POLR3B: variants seen among roughly 807,000 people sequenced by gnomAD.
POLR3B encodes the protein RNA polymerase III subunit B, also known as DNA-directed RNA polymerase III subunit RPC2.
Under a neutral mutation model 147.4 loss-of-function variants are expected in POLR3B, and 96 were observed. That is an observed-to-expected ratio of 0.65 (90% CI 0.55 to 0.77). POLR3B has a LOEUF of 0.77. Among genes scored for constraint, POLR3B ranks in the 30% least tolerant of loss-of-function variants. The probability of loss-of-function intolerance (pLI) is 0.00; values close to 1 mark genes in which losing one functional copy is unlikely to be tolerated. For missense variants in POLR3B, 1,036 were observed against 1,413.5 expected (o/e 0.73, Z 4.28); for synonymous variants, 461 against 485.9 (o/e 0.95, Z 0.67).
At chr12:106,442,463 AT>A (rs1210512298) in intron 18 of POLR3B, among the ~76,000 whole-genome samples, 2 of 152,150 alleles carry the variant, frequency 1.3e-5, no homozygotes, top group Non-Finnish European at 2.9e-5. Flanking sequence ...AACCTAGAGT[AT>A]TTTCCCTTCC....
At chr12:106,363,763 T>C (rs996402144) in intron 1 of POLR3B, 107 bp from the exon 2 acceptor site, 63 of 931,470 alleles carry the variant, frequency 6.8e-5, no homozygotes, top group Non-Finnish European at 1.1e-4. Context: ...AAATTATTCT[T>C]TTTGTTTTGA....
rs755150098 is a variant in POLR3B, at chr12:106,363,838, A to G, written c.73-32A>G. 20 of 1,562,944 alleles carry G rather than the reference A, an allele frequency of 1.3e-5. No homozygotes were observed. The East Asian group carries it at 2.0e-4, about 16-fold the overall frequency. ...TATGAAAGTACTGTTGCTGGTACAG[A>G]GTTCTGATATTCTTCTTGTTTTGGC... On this transcript the variant is annotated intron_variant, in intron 1 of 27. Coordinates refer to ENST00000228347, the MANE Select transcript of POLR3B (RefSeq NM_018082.6).
chr12:106,374,959 T>C (rs936633869), intron 6 of POLR3B, among the ~76,000 whole-genome samples: 1 of 152,238 alleles, frequency 6.6e-6, no homozygotes, highest in Non-Finnish European at 1.5e-5. Flanking sequence ...TAGTGTTTAT[T>C]TTCCGTCTTC....
chr12:106,397,567 G>T (rs1213303905), intron 10 of POLR3B, among the ~76,000 whole-genome samples: 2 of 152,168 alleles, frequency 1.3e-5, no homozygotes, highest in South Asian at 2.1e-4. Context: ...ACAGCATTGT[G>T]TATGGAATTA....
intron 1 of POLR3B, among the ~76,000 whole-genome samples, chr12:106,362,848 G>A (rs1383099452): frequency 6.6e-6 from 1 of 151,750 alleles, no homozygotes; most frequent in African/African-American, 2.4e-5. Flanking sequence ...AAAATGTATG[G>A]ATACTAGATA....
intron 26 of POLR3B, among the ~76,000 whole-genome samples, chr12:106,503,551 A>T (rs1416706792): frequency 6.6e-6 from 1 of 152,188 alleles, no homozygotes; most frequent in East Asian, 1.9e-4. Flanking sequence ...AACCTCTTAA[A>T]GTATTCTCAA....
At chr12:106,420,934 T>A (rs964664454) in intron 12 of POLR3B, among the ~76,000 whole-genome samples, 2 of 152,216 alleles carry the variant, frequency 1.3e-5, no homozygotes, top group African/African-American at 4.8e-5. Context: ...TTGCATTTTT[T>A]AATTTCTTGA....
chr12:106,507,930 C>G, intron 27 of POLR3B: 1 of 385,016 alleles, frequency 2.6e-6, no homozygotes, highest in Non-Finnish European at 5.1e-6. Flanking sequence ...CCAGAGATGA[C>G]CACTATTAAC....
rs1221511932 is a variant in POLR3B, at chr12:106,433,861, A to G, written c.1770A>G (p.Gly590=). 1.2e-6 allele frequency: 2 copies of G among 1,613,108 alleles called. No homozygotes were observed. The highest frequency in any genetic ancestry group is 2.7e-5 in the African/African-American group (2 of 74,896). ...DRCVYISSDG[G]RLCRPYIIVK... ...GTGTCTATATTTCTTCTGATGGGGG[A>G]AGGCTATGCAGGTATATATGCAGGT... The change falls in exon 16 of 28, where the codon GGA becomes GGG. Residue 590 remains glycine (G), a synonymous_variant. Coordinates refer to ENST00000228347, the MANE Select transcript of POLR3B (RefSeq NM_018082.6).
In POLR3B at chr12:106,452,363, A is replaced by G. The variant is rs142610910; in HGVS notation, c.2084-2139A>G. Among the ~76,000 whole-genome samples the G allele has an allele frequency of 1.1e-3, 169 of 152,306 alleles. 2 individuals are homozygous for G. The highest frequency in any genetic ancestry group is 3.9e-3 in the African/African-American group (164 of 41,566). ...CATTTGCTAAACTATTTTGCTGTTC[A>G]TCCATTCAGTGGTCAGTTGTAATGC... On this transcript the variant is annotated intron_variant, in intron 19 of 27. Coordinates refer to ENST00000228347, the MANE Select transcript of POLR3B (RefSeq NM_018082.6).
intron 6 of POLR3B, among the ~76,000 whole-genome samples, chr12:106,375,021 T>C (rs1266827342): frequency 6.6e-6 from 1 of 152,218 alleles, no homozygotes; most frequent in Admixed American, 6.5e-5. Context: ...TATTAGTACA[T>C]TAGTAACTTC....
chr12:106,493,337 A>G (rs760927996), intron 23 of POLR3B, among the ~76,000 whole-genome samples: 6 of 152,238 alleles, frequency 3.9e-5, no homozygotes, highest in Non-Finnish European at 8.8e-5. Context: ...TCATTTGAAA[A>G]TAAGAAAAGA....
At chr12:106,508,264 A>G (rs1030343188) in intron 27 of POLR3B, among the ~76,000 whole-genome samples, 1 of 152,202 alleles carries the variant, frequency 6.6e-6, no homozygotes, top group East Asian at 1.9e-4. Flanking sequence ...TCTTGTGCAC[A>G]TACCTTTGCC....
intron 23 of POLR3B, among the ~76,000 whole-genome samples, chr12:106,474,759 T>C (rs1456281150): frequency 6.7e-6 from 1 of 148,684 alleles, no homozygotes; most frequent in Admixed American, 6.7e-5. Flanking sequence ...TCTCTCTTTT[T>C]TTCTTTATTA....
Position 106,432,301 on chromosome 12 carries a change from C to T in POLR3B, c.1465-17C>T, listed in dbSNP as rs1165128574. The T allele has an allele frequency of 6.2e-6, 10 of 1,610,666 alleles. No individual in the cohort carries two copies. The highest frequency in any genetic ancestry group is 1.1e-5 in the South Asian group (1 of 90,962). On this transcript the variant is annotated splice_polypyrimidine_tract_variant and intron_variant, in intron 14 of 27. Transcript: ENST00000228347. ...ACTAATGTTCATTCTTAGAAATGACCATCTTTTGTTTTTTAGGCATGTGGT... is the reference window on the plus strand; with the variant it reads ...ACTAATGTTCATTCTTAGAAATGACTATCTTTTGTTTTTTAGGCATGTGGT...
intron 2 of POLR3B, 71 bp downstream of exon 2, chr12:106,363,973 A>G (rs1461604030): frequency 6.0e-6 from 7 of 1,165,198 alleles, no homozygotes; most frequent in Non-Finnish European, 8.9e-6. Flanking sequence ...GCCATTTTTT[A>G]AAGATTAAAT....
At chr12:106,416,915 G>T (rs2037311722) in intron 12 of POLR3B, among the ~76,000 whole-genome samples, 1 of 152,178 alleles carries the variant, frequency 6.6e-6, no homozygotes, top group South Asian at 2.1e-4. Flanking sequence ...TACCGAAGCT[G>T]CCCCTCCCTC....
chr12:106,414,619 C>G (rs1224379932), intron 12 of POLR3B, among the ~76,000 whole-genome samples: 1 of 152,070 alleles, frequency 6.6e-6, no homozygotes, highest in African/African-American at 2.4e-5. Context: ...TTATTGCTCC[C>G]TACTCCCTAC....
At chr12:106,441,487 G>A (rs573028103) in intron 18 of POLR3B, among the ~76,000 whole-genome samples, 1 of 152,102 alleles carries the variant, frequency 6.6e-6, no homozygotes, top group Non-Finnish European at 1.5e-5. Flanking sequence ...AAGTATTTGT[G>A]TATCAAAACA....
Sources: allele counts gnomAD v4.1 joint callset (sites outside exome capture counted in the v4.1 genomes callset), GRCh38; gene constraint gnomAD v4.1.1; transcripts MANE v1.5; gene names NCBI Gene and HGNC (gene_info 2026-07-23, HGNC 2026-07-21).